The following PRH1 variants were observed in gnomAD, a reference collection of about 807,000 sequenced individuals.
The protein encoded by PRH1 is salivary acidic proline-rich phosphoprotein 1/2.
In PRH1, 7 loss-of-function variants were observed where a neutral mutation model predicts 7.9. The ratio of observed to expected loss-of-function variants is 0.89; its 90% confidence interval spans 0.50 to 1.67. PRH1 has a LOEUF of 1.67. Ranked by LOEUF, PRH1 falls within the 40% of genes most tolerant of loss-of-function variation. PRH1 has a pLI of 0.00. For missense variants in PRH1, 109 were observed against 223.6 expected, an observed-to-expected ratio of 0.49 and a Z score of 3.27; for synonymous variants, 45 against 80.8, an observed-to-expected ratio of 0.56 and a Z score of 2.38.
At chr12:11,044,483 C>T (rs989697990) in intron 1 of PRH1, among the ~76,000 whole-genome samples, 1 of 151,908 alleles carries the variant, frequency 6.6e-6, no homozygotes, top group Admixed American at 6.6e-5. Flanking sequence ...GCAAAGGGTA[C>T]AATCAACAAA....
Position 10,974,883 on chromosome 12 carries a change from A to C in PRH1, c.-125-1162T>G, listed in dbSNP as rs139105290. Among the ~76,000 whole-genome samples the C allele has an allele frequency of 4.7e-3, 718 of 152,320 alleles. 6 individuals carry two copies. Among genetic ancestry groups the C allele is most frequent in the African/African-American group, 0.017 (692 of 41,564 alleles). On this transcript the variant is annotated intron_variant, in intron 1 of 3. Transcript: ENST00000539853. ...CAGGAGAAAGTAAAAACCAAATCCA[A>C]AGTTTTTAAGGAATGCAATAAAATG...
At chr12:11,044,332 C>T (rs1187168027) in intron 1 of PRH1, among the ~76,000 whole-genome samples, 2 of 151,980 alleles carry the variant, frequency 1.3e-5, no homozygotes, top group Non-Finnish European at 2.9e-5. Context: ...CCATGAAGCT[C>T]CCATAAGAAA....
intron 1 of PRH1, among the ~76,000 whole-genome samples, chr12:11,169,874 G>T (rs1489891547): frequency 6.6e-6 from 1 of 152,054 alleles, no homozygotes; most frequent in Non-Finnish European, 1.5e-5. Flanking sequence ...ATACTAGCTG[G>T]GAACACAAAA....
intron 2 of PRH1, among the ~76,000 whole-genome samples, chr12:10,913,465 A>AT (rs1949929766): frequency 6.6e-6 from 1 of 151,984 alleles, no homozygotes; most frequent in East Asian, 1.9e-4. Context: ...AAAAAAAAAA[A>AT]ATCTATTTAG....
At chr12:11,167,890 T>A (rs1385197409) in intron 1 of PRH1, among the ~76,000 whole-genome samples, 1 of 151,958 alleles carries the variant, frequency 6.6e-6, no homozygotes, top group East Asian at 1.9e-4. Flanking sequence ...AATGCATGCA[T>A]AAATGCATGC....
At chr12:10,955,805 T>A (rs1206173354) in intron 2 of PRH1, among the ~76,000 whole-genome samples, 1 of 152,118 alleles carries the variant, frequency 6.6e-6, no homozygotes, top group Non-Finnish European at 1.5e-5. Context: ...AACACCTCTA[T>A]GCCCACAAGC....
At chr12:10,974,162 A>G (rs1005377746) in intron 1 of PRH1, among the ~76,000 whole-genome samples, 2 of 152,258 alleles carry the variant, frequency 1.3e-5, no homozygotes, top group African/African-American at 4.8e-5. Context: ...AATCATTTTT[A>G]TCAATAAATG....
upstream of PRH1, among the ~76,000 whole-genome samples, chr12:10,886,723 A>G (rs1591647533): frequency 6.6e-6 from 1 of 152,204 alleles, no homozygotes; most frequent in Non-Finnish European, 1.5e-5. Context: ...TTCATCTCTC[A>G]TAACACATCC....
chr12:11,005,503 A>G (rs1940785622), intron 1 of PRH1, among the ~76,000 whole-genome samples: 1 of 152,144 alleles, frequency 6.6e-6, no homozygotes, highest in Non-Finnish European at 1.5e-5. Flanking sequence ...TGTAAACAGA[A>G]TCCAAAGTTT....
chr12:11,069,689 A>G (rs1247772361), intron 1 of PRH1, among the ~76,000 whole-genome samples: 3 of 152,228 alleles, frequency 2.0e-5, no homozygotes, highest in Admixed American at 6.5e-5. Flanking sequence ...TCATAAGCCA[A>G]TAGTTGAAGA....
At chr12:11,029,304 T>C (rs1324805488) in intron 1 of PRH1, among the ~76,000 whole-genome samples, 2 of 48,826 alleles carry the variant, frequency 4.1e-5, no homozygotes, top group Non-Finnish European at 1.2e-4. Flanking sequence ...ATTTCATCAT[T>C]GATGACAAAA....
intron 2 of PRH1, chr12:10,939,265 T>G: frequency 1.0e-6 from 1 of 955,744 alleles, no homozygotes; most frequent in South Asian, 1.7e-5. Context: ...CTTAATGCAT[T>G]CATCTAAAAT....
chr12:10,944,258 AG>A (rs1950450040), intron 2 of PRH1, among the ~76,000 whole-genome samples: 1 of 151,964 alleles, frequency 6.6e-6, no homozygotes, highest in South Asian at 2.1e-4. Flanking sequence ...CTTTTTGGGA[AG>A]TTTTTTTATA....
chr12:11,145,814 T>C (rs2136407459), intron 1 of PRH1, among the ~76,000 whole-genome samples: 1 of 152,296 alleles, frequency 6.6e-6, no homozygotes, highest in African/African-American at 2.4e-5. Context: ...GAAATTCTGC[T>C]CTATATCTCT....
chr12:11,051,854 T>G (rs1276988012), upstream of PRH1, among the ~76,000 whole-genome samples: 1 of 152,222 alleles, frequency 6.6e-6, no homozygotes, highest in African/African-American at 2.4e-5. Flanking sequence ...TTTTTCATTT[T>G]ATGATTTTAT....
intron 1 of PRH1, among the ~76,000 whole-genome samples, chr12:11,132,806 T>C (rs1462136192): frequency 6.6e-6 from 1 of 152,190 alleles, no homozygotes; most frequent in East Asian, 1.9e-4. Context: ...TGAAGATACA[T>C]CCTCATTAGT....
Position 10,986,893 on chromosome 12 carries a change from C to T in PRH1, c.-125-13172G>A, listed in dbSNP as rs1379222256. 4 of 1,404,478 alleles carry T rather than the reference C, an allele frequency of 2.8e-6. No homozygotes were observed. In the East Asian group the frequency reaches 9.4e-5, roughly 33 times the overall value. 87.0% of individuals were successfully genotyped at this position (1,404,478 alleles called of 1,614,324 possible). ...CAGAAAAAAAGAAAGAAAATGCAAG[C>T]CTAATATCACTGGTTGTGATTTCTT... On this transcript the variant is annotated intron_variant, in intron 1 of 3. Transcript: ENST00000539853.
At chr12:10,990,264 T>C (rs1031922999) in intron 1 of PRH1, among the ~76,000 whole-genome samples, 1 of 152,080 alleles carries the variant, frequency 6.6e-6, no homozygotes, top group African/African-American at 2.4e-5. Flanking sequence ...TGGATATCCA[T>C]TTGCAGAAAA....
At chr12:11,015,253 C>T (rs907328656) in intron 1 of PRH1, among the ~76,000 whole-genome samples, 1 of 152,260 alleles carries the variant, frequency 6.6e-6, no homozygotes, top group Non-Finnish European at 1.5e-5. Flanking sequence ...AACACAAGAC[C>T]CTAAGGGAAG....
Sources: allele counts gnomAD v4.1 joint callset (sites outside exome capture counted in the v4.1 genomes callset), GRCh38; gene constraint gnomAD v4.1.1; transcripts MANE v1.5; gene names NCBI Gene and HGNC (gene_info 2026-07-23, HGNC 2026-07-21).